Variants in XRCC4 observed in about 807,000 individuals in gnomAD.
XRCC4 encodes the protein DNA repair protein XRCC4.
XRCC4 carries 28 observed loss-of-function variants against 39.1 expected under a neutral mutation model. The ratio of observed to expected loss-of-function variants is 0.72; its 90% CI spans 0.53 to 0.98. The LOEUF is 0.98. Among genes scored for constraint, XRCC4 ranks in the 50% least tolerant of loss-of-function variants. The pLI is 0.00. For synonymous variants in XRCC4, 123 were observed against 126.4 expected (o/e 0.97, Z 0.18); for missense variants, 350 against 376.4 (o/e 0.93, Z 0.58).
chr5:83,290,409 A>G (rs1053772177), intron 7 of XRCC4, among the ~76,000 whole-genome samples: 9 of 150,918 alleles, frequency 6.0e-5, no homozygotes, highest in African/African-American at 2.2e-4. Flanking sequence ...TTAAATATCT[A>G]TATTTTATTC....
chr5:83,257,566 G>T (rs1207902135), intron 6 of XRCC4, among the ~76,000 whole-genome samples: 1 of 152,132 alleles, frequency 6.6e-6, no homozygotes, highest in Admixed American at 6.5e-5. Flanking sequence ...TGGAGAAATA[G>T]GAACGCTTTT....
intron 6 of XRCC4, among the ~76,000 whole-genome samples, chr5:83,249,928 A>G (rs1276990701): frequency 6.6e-6 from 1 of 152,118 alleles, no homozygotes; most frequent in Admixed American, 6.5e-5. Context: ...TATTTTGTCT[A>G]ATTTTTAAAT....
rs746407658 is a variant in XRCC4 at position 83,204,816 on chromosome 5, G to A, written c.640G>A (p.Glu214Lys). The A allele has an allele frequency of 2.2e-5, 36 of 1,605,010 alleles. No homozygotes were observed. The African/African-American group carries it at 4.0e-4, about 18-fold the overall frequency. ...EREKDIKQEG[E>K]TAICSEMTAD... Reference sequence around the variant, plus strand: ...AATTCTACCTTTCTCTGTTTCTAGGGAAACTGCAATCTGTTCTGAAATGAC... The same window carrying A: ...AATTCTACCTTTCTCTGTTTCTAGGAAAACTGCAATCTGTTCTGAAATGAC... Residue 214 changes from glutamate to lysine, a missense_variant and splice_region_variant, in exon 6 of 8, where the codon GAA becomes AAA. Transcript: ENST00000396027.
chr5:83,270,888 C>G (rs1441151029), intron 7 of XRCC4, among the ~76,000 whole-genome samples: 1 of 151,536 alleles, frequency 6.6e-6, no homozygotes, highest in African/African-American at 2.4e-5. Flanking sequence ...TGGGTTCAAG[C>G]GATTCTCCTG....
Position 83,129,032 on chromosome 5 carries a change from A to G in XRCC4, c.315+17829A>G, listed in dbSNP as rs1238466984. Among the ~76,000 whole-genome samples the G allele has an allele frequency of 3.9e-5, 6 of 152,226 alleles. No individual in the cohort carries two copies. The East Asian group carries it at 9.7e-4, about 25-fold the overall frequency. ...TTGTTGCCATTGCTTTTAGTGTTTT[A>G]GTCATGAAGTCCTTGCCCATGCCTG... On this transcript the variant is annotated intron_variant, in intron 3 of 7. Coordinates refer to ENST00000396027, the MANE Select transcript of XRCC4 (RefSeq NM_003401.5).
chr5:83,332,241 ACACACACAC>A (rs1193321867), intron 7 of XRCC4, among the ~76,000 whole-genome samples: 30 of 151,130 alleles, frequency 2.0e-4, no homozygotes, highest in African/African-American at 6.1e-4. Context: ...ACACACACAC[ACACACACAC>A]ACACACACAC....
At chr5:83,320,646 C>T (rs1756036725) in intron 7 of XRCC4, among the ~76,000 whole-genome samples, 2 of 151,874 alleles carry the variant, frequency 1.3e-5, no homozygotes, top group African/African-American at 2.4e-5. Flanking sequence ...AGAAATTGCA[C>T]AGCCACTTAA....
chr5:83,367,448 C>T, the XRCC4 span, among the ~76,000 whole-genome samples: 4 of 152,178 alleles, frequency 2.6e-5, no homozygotes, highest in East Asian at 5.8e-4. Flanking sequence ...TCCTGCTCAT[C>T]GTTTACTGTG....
At chr5:83,341,936 T>C (rs1756772398) in intron 7 of XRCC4, among the ~76,000 whole-genome samples, 1 of 152,218 alleles carries the variant, frequency 6.6e-6, no homozygotes, top group South Asian at 2.1e-4. Flanking sequence ...CTGGAGAGGC[T>C]TCTAGGCTAG....
intron 7 of XRCC4, among the ~76,000 whole-genome samples, chr5:83,283,720 T>C (rs1754632398): frequency 6.6e-6 from 1 of 152,174 alleles, no homozygotes; most frequent in Admixed American, 6.5e-5. Flanking sequence ...ACATGTTCCA[T>C]GTGCCCCACC....
In XRCC4 at chr5:83,353,193, T is replaced by C. The variant is rs1248685967; in HGVS notation, c.956T>C (p.Leu319Ser). The stretch of plus-strand genomic sequence containing the variant: ...CACATCTCAGCTGAAAACATGTCTT[T>C]AGAAACTCTGAGAAACAGCAGCCCA... ...KEHISAENMS[L>S]ETLRNSSPED... Residue 319 changes from leucine (L) to serine (S), a missense_variant, in exon 8 of 8, where the codon TTA (leucine) becomes TCA (serine). Leu to Ser is a moderately radical substitution (Grantham distance 145, BLOSUM62 -2). Coordinates refer to ENST00000396027, the MANE Select transcript of XRCC4 (RefSeq NM_003401.5). The C allele has an allele frequency of 3.1e-6, 5 of 1,612,382 alleles. No homozygotes were observed. The African/African-American group carries it at 4.0e-5, about 13-fold the overall frequency.
At chr5:83,321,691 T>C (rs1756081407) in intron 7 of XRCC4, among the ~76,000 whole-genome samples, 1 of 152,140 alleles carries the variant, frequency 6.6e-6, no homozygotes, top group Non-Finnish European at 1.5e-5. Context: ...TCCATCTACC[T>C]TTCAGGCACA....
intron 3 of XRCC4, among the ~76,000 whole-genome samples, chr5:83,117,248 T>C (rs17284253): frequency 0.18 from 26,996 of 152,150 alleles, 2,971 homozygotes; most frequent in Non-Finnish European, 0.25. Context: ...AAGCATACTA[T>C]AGTGCCAGCA....
chr5:83,088,968 A>G (rs1406543869), intron 1 of XRCC4, among the ~76,000 whole-genome samples: 1 of 152,216 alleles, frequency 6.6e-6, no homozygotes, highest in Non-Finnish European at 1.5e-5. Flanking sequence ...AGTTGTAGCC[A>G]TAAAGAGGCC....
At chr5:83,227,893 T>A (rs1752350839) in intron 6 of XRCC4, among the ~76,000 whole-genome samples, 1 of 152,066 alleles carries the variant, frequency 6.6e-6, no homozygotes, top group Admixed American at 6.6e-5. Flanking sequence ...CCACTTGTGA[T>A]AATCCTGAAA....
At chr5:83,114,086 G>A (rs1054279263) in intron 3 of XRCC4, among the ~76,000 whole-genome samples, 7 of 152,156 alleles carry the variant, frequency 4.6e-5, no homozygotes, top group African/African-American at 7.2e-5. Context: ...CTGTTTTAGC[G>A]ACTGCTGGAG....
At chr5:83,344,263 G>A (rs1265260969) in intron 7 of XRCC4, among the ~76,000 whole-genome samples, 1 of 151,548 alleles carries the variant, frequency 6.6e-6, no homozygotes, top group Non-Finnish European at 1.5e-5. Context: ...AAGAGATGGG[G>A]TCTCACTCTG....
At chr5:83,130,022 G>A (rs994565638) in intron 3 of XRCC4, among the ~76,000 whole-genome samples, 1 of 152,024 alleles carries the variant, frequency 6.6e-6, no homozygotes, top group African/African-American at 2.4e-5. Context: ...GGGGTGGTAA[G>A]AGAGGGCATC....
intron 6 of XRCC4, among the ~76,000 whole-genome samples, chr5:83,206,614 A>G (rs557622783): frequency 1.3e-5 from 2 of 152,240 alleles, no homozygotes; most frequent in African/African-American, 4.8e-5. Flanking sequence ...AAAAAATGGG[A>G]AAGACATGGG....
Sources: allele counts gnomAD v4.1 joint callset (sites outside exome capture counted in the v4.1 genomes callset), GRCh38; gene constraint gnomAD v4.1.1; transcripts MANE v1.5; gene names NCBI Gene and HGNC (gene_info 2026-07-23, HGNC 2026-07-21).